VWA3A: variants seen among roughly 807,000 people sequenced by gnomAD.
VWA3A encodes the protein von Willebrand factor A domain containing 3A.
Under a neutral mutation model 160.4 loss-of-function variants are expected in VWA3A, and 134 were observed. The observed-to-expected ratio is 0.84, with a 90% CI of 0.73 to 0.96. The LOEUF is 0.96. Ranked by LOEUF, VWA3A falls within the 40% of genes least tolerant of loss-of-function variation. The probability of loss-of-function intolerance (pLI) is 0.00; values close to 1 mark genes in which losing one functional copy is unlikely to be tolerated. For synonymous variants in VWA3A, 476 were observed against 543.4 expected (o/e 0.88, Z 1.72); for missense variants, 1,310 against 1,447.9 (o/e 0.90, Z 1.55).
At chr16:22,097,011 G>T in intron 2 of VWA3A, 66 bp downstream of exon 2, 2 of 1,097,962 alleles carry the variant, frequency 1.8e-6, no homozygotes, top group Non-Finnish European at 2.6e-6. Context: ...TGTCTCCCAG[G>T]CTGGAGTGCA....
At chr16:22,150,235 C>CTACTAAA (rs1243554553) in intron 29 of VWA3A, among the ~76,000 whole-genome samples, 3 of 152,098 alleles carry the variant, frequency 2.0e-5, no homozygotes, top group Non-Finnish European at 2.9e-5. Flanking sequence ...AACCCCGTCT[C>CTACTAAA]TACTAAATAC....
At chr16:22,116,638 C>A in intron 9 of VWA3A, 121 bp from the exon 10 acceptor site, 1 of 761,912 alleles carries the variant, frequency 1.3e-6, no homozygotes, top group Non-Finnish European at 2.2e-6. Flanking sequence ...CATAGGTGAC[C>A]TGTGACACAG....
chr16:22,111,813 C>G (rs938105800), intron 8 of VWA3A, among the ~76,000 whole-genome samples: 6 of 152,102 alleles, frequency 3.9e-5, no homozygotes, highest in African/African-American at 1.2e-4. Flanking sequence ...GATGGGATCT[C>G]GCTATGTTGT....
At chr16:22,140,314 G>C in intron 23 of VWA3A, 70 bp downstream of exon 23, 1 of 1,462,584 alleles carries the variant, frequency 6.8e-7, no homozygotes, top group Non-Finnish European at 9.4e-7. Flanking sequence ...GGTTAATAAT[G>C]ATAGTAACTA....
chr16:22,149,274 C>T (rs958216400), intron 28 of VWA3A, among the ~76,000 whole-genome samples: 1 of 152,164 alleles, frequency 6.6e-6, no homozygotes, highest in East Asian at 1.9e-4. Context: ...GGGTCTCACT[C>T]TGTCTCCCAG....
rs543407642 is a variant in VWA3A at position 22,121,550 on chromosome 16, A to T, written c.1289A>T (p.Asn430Ile). The T allele has an allele frequency of 2.5e-6, 4 of 1,613,796 alleles. No individual in the cohort carries two copies. Among genetic ancestry groups the T allele is most frequent in the Non-Finnish European group, 3.4e-6 (4 of 1,179,834 alleles). ...AGTCTATATCAGGTCCTGGCACCCA[A>T]TGCATTCTCTCCTGTGGAGGAATTT... ...KLSLYQVLAPNAFSPVEEFVP... is the reference protein window; with the variant it reads ...KLSLYQVLAPIAFSPVEEFVP... The change falls in exon 14 of 34, where the codon AAT becomes ATT. Residue 430 changes from asparagine to isoleucine, a missense_variant. By Grantham distance (149) the Asn-to-Ile change is moderately radical (BLOSUM62 -3). Transcript: ENST00000389398.
chr16:22,152,892 C>T (rs997841336), intron 31 of VWA3A, among the ~76,000 whole-genome samples: 1 of 152,232 alleles, frequency 6.6e-6, no homozygotes, highest in Non-Finnish European at 1.5e-5. Flanking sequence ...TTTAGGCTGA[C>T]TCTCCTCAAG....
At chr16:22,105,199 A>T (rs964786626) in intron 6 of VWA3A, among the ~76,000 whole-genome samples, 1 of 152,146 alleles carries the variant, frequency 6.6e-6, no homozygotes, top group Non-Finnish European at 1.5e-5. Flanking sequence ...CACGTAGGGC[A>T]TGCTGCTCTC....
chr16:22,126,172 T>G lies in VWA3A; in HGVS notation c.1533-6T>G. 1 of 1,613,404 alleles carries G rather than the reference T, an allele frequency of 6.2e-7. No homozygotes were observed. Reference sequence around the variant, plus strand: ...TTCTCCTCTTAAAGCTCGTGTTTCCTTTTAGGGTGGTTGTACTGCTCGATA... The same window carrying G: ...TTCTCCTCTTAAAGCTCGTGTTTCCGTTTAGGGTGGTTGTACTGCTCGATA... On this transcript the variant is annotated splice_region_variant and splice_polypyrimidine_tract_variant and intron_variant, in intron 16 of 33. Coordinates refer to ENST00000389398, the MANE Select transcript of VWA3A (RefSeq NM_173615.5).
chr16:22,142,438 G>A (rs943476510), intron 24 of VWA3A, among the ~76,000 whole-genome samples: 6 of 152,116 alleles, frequency 3.9e-5, no homozygotes, highest in African/African-American at 1.4e-4. Context: ...ATGGGGAGGT[G>A]CCAGGCTTTT....
intron 11 of VWA3A, among the ~76,000 whole-genome samples, chr16:22,117,701 CAT>C (rs747271355): frequency 2.0e-4 from 30 of 152,330 alleles, no homozygotes; most frequent in African/African-American, 4.8e-4. Flanking sequence ...GATTAGCAAA[CAT>C]GTGTGTAGAT....
chr16:22,126,828 T>G (rs1260612294), intron 17 of VWA3A, among the ~76,000 whole-genome samples: 1 of 152,028 alleles, frequency 6.6e-6, no homozygotes, highest in African/African-American at 2.4e-5. Context: ...GGCAACATAG[T>G]GAGACCCCAT....
chr16:22,135,066 T>A (rs1288268614), intron 21 of VWA3A, among the ~76,000 whole-genome samples: 3 of 152,174 alleles, frequency 2.0e-5, no homozygotes, highest in Non-Finnish European at 4.4e-5. Context: ...AGAATTTTTT[T>A]AAAATAATTT....
At chr16:22,155,970 G>A in intron 33 of VWA3A, 54 bp downstream of exon 33, 1 of 1,563,270 alleles carries the variant, frequency 6.4e-7, no homozygotes, top group South Asian at 1.1e-5. Context: ...AGCACCAAGT[G>A]GCATGCTCTA....
intron 1 of VWA3A, among the ~76,000 whole-genome samples, chr16:22,095,538 A>G (rs1053355487): frequency 1.3e-5 from 2 of 152,082 alleles, no homozygotes; most frequent in African/African-American, 2.4e-5. Context: ...AAGGGGGTGT[A>G]ACATTGGATT....
intron 26 of VWA3A, 65 bp downstream of exon 26, chr16:22,144,449 C>T: frequency 6.3e-7 from 1 of 1,577,418 alleles, no homozygotes; most frequent in Non-Finnish European, 8.6e-7. Flanking sequence ...TGGCAGAGAG[C>T]AGTGTAGGGC....
rs376862475 is a variant in VWA3A, at chr16:22,146,314, T to C, written c.2809T>C (p.Tyr937His). 7 of 1,613,410 alleles carry C rather than the reference T, an allele frequency of 4.3e-6. No individual in the cohort carries two copies. In the African/African-American group the frequency reaches 9.3e-5, roughly 22 times the overall value. Residue 937 changes from tyrosine (Y) to histidine (H), a missense_variant, in exon 27 of 34, where the codon TAT becomes CAT. Transcript: ENST00000389398. ...IRHLEKVLRRYVQRLQWLLSG... is the reference protein window; with the variant it reads ...IRHLEKVLRRHVQRLQWLLSG... ...GCACTTGGAGAAGGTGTTAAGGCGC[T>C]ATGTCCAGAGGCTGCAGTGGCTGCT...
intron 6 of VWA3A, among the ~76,000 whole-genome samples, chr16:22,109,268 AAAG>A (rs1165440106): frequency 1.3e-5 from 2 of 152,228 alleles, no homozygotes; most frequent in Non-Finnish European, 2.9e-5. Flanking sequence ...AAAAACTTAT[AAAG>A]AAGAGGCTGC....
chr16:22,155,968 G>A, intron 33 of VWA3A, 52 bp downstream of exon 33: 1 of 1,568,556 alleles, frequency 6.4e-7, no homozygotes, highest in Non-Finnish European at 8.7e-7. Flanking sequence ...TAAGCACCAA[G>A]TGGCATGCTC....
Sources: gnomAD v4.1 joint callset for allele counts (sites outside exome capture counted in the v4.1 genomes callset) on GRCh38, gnomAD v4.1.1 for gene constraint, MANE v1.5 for transcripts, NCBI Gene and HGNC (gene_info 2026-07-23, HGNC 2026-07-21) for gene names.